Variants in SPIDR observed in about 807,000 individuals in gnomAD.
SPIDR encodes the protein DNA repair-scaffolding protein.
Under a neutral mutation model 104.6 loss-of-function variants are expected in SPIDR, and 93 were observed. The ratio of observed to expected loss-of-function variants is 0.89; its 90% CI spans 0.75 to 1.06. The LOEUF (loss-of-function observed/expected upper bound fraction) is 1.06, where lower values mean the gene tolerates loss of function less well. Among genes scored for constraint, SPIDR ranks in the 50% least tolerant of loss-of-function variants. SPIDR has a pLI of 0.00. For missense variants in SPIDR, 1,154 were observed against 1,111.2 expected (o/e 1.04, Z -0.55); for synonymous variants, 431 against 416.9 (o/e 1.03, Z -0.41).
chr8:47,712,603 ATGC>A, intron 14 of SPIDR, 56 bp from the exon 15 acceptor site: 1 of 1,539,038 alleles, frequency 6.5e-7, no homozygotes, highest in East Asian at 2.3e-5. Context: ...CTGCTTTTAA[ATGC>A]TTTTAAAACA....
intron 8 of SPIDR, among the ~76,000 whole-genome samples, chr8:47,469,085 G>GA (rs1447005462): frequency 7.9e-5 from 12 of 152,052 alleles, no homozygotes; most frequent in Non-Finnish European, 1.8e-4. Context: ...ACAAGCACAT[G>GA]AAAAAAAGCT....
At chr8:47,675,920 T>G (rs994160542) in intron 11 of SPIDR, among the ~76,000 whole-genome samples, 1 of 152,188 alleles carries the variant, frequency 6.6e-6, no homozygotes, top group Non-Finnish European at 1.5e-5. Flanking sequence ...GCTCTTTCAC[T>G]CGGCTGCCAC....
chr8:47,510,879 A>T (rs1159417997), intron 8 of SPIDR, among the ~76,000 whole-genome samples: 1 of 152,196 alleles, frequency 6.6e-6, no homozygotes, highest in Non-Finnish European at 1.5e-5. Context: ...GGAGAAAACA[A>T]ATGTTCAACC....
intron 10 of SPIDR, among the ~76,000 whole-genome samples, chr8:47,613,817 T>C (rs1191927726): frequency 6.6e-6 from 1 of 152,220 alleles, no homozygotes. Flanking sequence ...TTTTTTAAAA[T>C]TATATTGTAT....
At chr8:47,353,237 G>A (rs1177997842) in intron 5 of SPIDR, among the ~76,000 whole-genome samples, 4 of 151,736 alleles carry the variant, frequency 2.6e-5, no homozygotes, top group African/African-American at 9.7e-5. Flanking sequence ...TTATATATAC[G>A]CCAGATTGTA....
chr8:47,539,843 C>T (rs1277314183), intron 8 of SPIDR, among the ~76,000 whole-genome samples: 1 of 152,088 alleles, frequency 6.6e-6, no homozygotes. Flanking sequence ...TGTCTGCTAG[C>T]AGCTGGGTTC....
At chr8:47,574,650 G>C (rs2058872106) in intron 8 of SPIDR, among the ~76,000 whole-genome samples, 2 of 152,028 alleles carry the variant, frequency 1.3e-5, no homozygotes, top group Non-Finnish European at 2.9e-5. Context: ...CTTGGGCGTA[G>C]TGGCAGGCAC....
intron 7 of SPIDR, among the ~76,000 whole-genome samples, chr8:47,408,708 G>T (rs889505073): frequency 6.6e-6 from 1 of 151,896 alleles, no homozygotes; most frequent in Admixed American, 6.6e-5. Context: ...AAGACACCCT[G>T]CCCCTGCCAA....
chr8:47,369,942 A>G (rs1198023188), intron 5 of SPIDR, among the ~76,000 whole-genome samples: 1 of 150,412 alleles, frequency 6.6e-6, no homozygotes, highest in Non-Finnish European at 1.5e-5. Flanking sequence ...CCTACCCCCC[A>G]TTTTAAGGGA....
chr8:47,629,953 A>G (rs2066800527), intron 10 of SPIDR, among the ~76,000 whole-genome samples: 1 of 152,254 alleles, frequency 6.6e-6, no homozygotes, highest in African/African-American at 2.4e-5. Context: ...ACATCAAAAT[A>G]ATACTTGAAG....
intron 8 of SPIDR, among the ~76,000 whole-genome samples, chr8:47,565,234 G>A (rs1363179593): frequency 1.3e-5 from 2 of 152,112 alleles, no homozygotes; most frequent in African/African-American, 2.4e-5. Flanking sequence ...CAAGAAGGGT[G>A]AAATTCCGTC....
chr8:47,324,448 C>T (rs1169976259), intron 5 of SPIDR, among the ~76,000 whole-genome samples: 1 of 152,090 alleles, frequency 6.6e-6, no homozygotes, highest in Non-Finnish European at 1.5e-5. Flanking sequence ...CCCTGCTGCT[C>T]CCATACTCAA....
Position 47,615,489 on chromosome 8 carries a change from T to C in SPIDR, c.1544+16293T>C, listed in dbSNP as rs1369477344. Among the ~76,000 whole-genome samples the C allele has an allele frequency of 7.4e-5, 9 of 121,460 alleles. 1 individual carries two copies. In the South Asian group the frequency reaches 2.3e-3, roughly 31 times the overall value. The allele number at this position is 121,460 out of a possible 152,430, so 79.7% of individuals were successfully genotyped here. On this transcript the variant is annotated intron_variant, in intron 10 of 19. Coordinates refer to ENST00000297423, the MANE Select transcript of SPIDR (RefSeq NM_001080394.4). ...AAAATAGCCTTTTTTTTTTTTTTTT[T>C]TCGGCCAGAGTCTCACTCTGTCGCA...
rs188505579 is a variant in SPIDR, at chr8:47,653,149, C to A, written c.1545-20652C>A. ...AGCCTCAGGGTTTACAGGCTTTATT[C>A]CCTCCAAGAACCCTGCCTCTGAAAG... On this transcript the variant is annotated intron_variant, in intron 10 of 19. Coordinates refer to ENST00000297423, the MANE Select transcript of SPIDR (RefSeq NM_001080394.4). 5.5e-3 allele frequency among the ~76,000 whole-genome samples: 840 copies of A among 152,240 alleles called. 8 individuals carry two copies. The highest frequency in any genetic ancestry group is 0.014 in the Middle Eastern group (4 of 294).
chr8:47,368,936 T>C (rs926134012), intron 5 of SPIDR, among the ~76,000 whole-genome samples: 6 of 152,210 alleles, frequency 3.9e-5, no homozygotes, highest in Non-Finnish European at 5.9e-5. Context: ...TTAGAACTTA[T>C]GAAAGTTGTA....
At chr8:47,713,994 GA>G (rs1213709293) in intron 16 of SPIDR, among the ~76,000 whole-genome samples, 2 of 152,172 alleles carry the variant, frequency 1.3e-5, no homozygotes, top group Admixed American at 6.5e-5. Flanking sequence ...GGAGCAGGAG[GA>G]ACATTCCTGG....
At chr8:47,386,439 C>T (rs1245247668) in intron 5 of SPIDR, among the ~76,000 whole-genome samples, 1 of 152,036 alleles carries the variant, frequency 6.6e-6, no homozygotes, top group East Asian at 1.9e-4. Context: ...CACTGAGGCT[C>T]CTAGTTATTA....
Position 47,735,294 on chromosome 8 carries a change from T to C in SPIDR, c.2605-13T>C, listed in dbSNP as rs748103094. On this transcript the variant is annotated splice_polypyrimidine_tract_variant and intron_variant, in intron 19 of 19. Transcript: ENST00000297423. ...GCTGTTTGCTTTAACCAGCGTGCCT[T>C]TTATCACTGCAGAGCTACGAAGTGA... 1.2e-6 allele frequency: 2 copies of C among 1,613,852 alleles called. No individual in the cohort carries two copies. The highest frequency in any genetic ancestry group is 8.5e-7 in the Non-Finnish European group (1 of 1,179,818).
intron 8 of SPIDR, among the ~76,000 whole-genome samples, chr8:47,548,895 A>G (rs1171166663): frequency 6.6e-6 from 1 of 152,110 alleles, no homozygotes; most frequent in African/African-American, 2.4e-5. Flanking sequence ...CATTAGGTAT[A>G]TCTCCTAATG....
Sources: gnomAD v4.1 joint callset for allele counts (sites outside exome capture counted in the v4.1 genomes callset) on GRCh38, gnomAD v4.1.1 for gene constraint, MANE v1.5 for transcripts, NCBI Gene and HGNC (gene_info 2026-07-23, HGNC 2026-07-21) for gene names.